The following NTM variants were observed in gnomAD, a reference collection of about 807,000 sequenced individuals.
NTM encodes the protein IgLON family member 2.
NTM carries 13 observed loss-of-function variants against 42.1 expected under a neutral mutation model. The ratio of observed to expected loss-of-function variants is 0.31; its 90% CI spans 0.20 to 0.49. NTM has a LOEUF of 0.49. Ranked by LOEUF, NTM falls within the 20% of genes least tolerant of loss-of-function variation. The pLI, the probability that NTM is intolerant of heterozygous loss-of-function variation, is 0.99. For synonymous variants in NTM, 187 were observed against 179.2 expected, an observed-to-expected ratio of 1.04 and a Z score of -0.35; for missense variants, 373 against 452.8, an observed-to-expected ratio of 0.82 and a Z score of 1.60.
chr11:132,251,047 A>G (rs1566579820), intron 4 of NTM, among the ~76,000 whole-genome samples: 3 of 152,220 alleles, frequency 2.0e-5, no homozygotes, highest in Non-Finnish European at 2.9e-5. Context: ...ACCGAGGTCT[A>G]TGTAAACTCC....
intron 1 of NTM, among the ~76,000 whole-genome samples, chr11:131,555,274 A>T (rs2055254881): frequency 6.6e-6 from 1 of 152,224 alleles, no homozygotes; most frequent in Admixed American, 6.5e-5. Context: ...GTGGCAAGAT[A>T]TATTTATACT....
rs111909435 is a variant in NTM at position 131,671,717 on chromosome 11, G to A, written c.83-239847G>A. On this transcript the variant is annotated intron_variant, in intron 1 of 8. Coordinates refer to ENST00000683400, the MANE Select transcript of NTM (RefSeq NM_001352005.2). Reference sequence around the variant, plus strand: ...ACAGGCCACTGGAGAGTGACAAAGCGCCCATCGACAGTGGTCGATCAAAGA... The same window carrying A: ...ACAGGCCACTGGAGAGTGACAAAGCACCCATCGACAGTGGTCGATCAAAGA... The A allele has an allele frequency of 9.0e-3, 5,430 of 601,194 alleles. 264 individuals are homozygous for A. In the African/African-American group the frequency reaches 0.1, roughly 11 times the overall value. 37.2% of individuals were successfully genotyped at this position (601,194 alleles called of 1,614,324 possible).
intron 4 of NTM, among the ~76,000 whole-genome samples, chr11:132,213,008 A>G (rs1292363325): frequency 6.6e-6 from 1 of 152,188 alleles, no homozygotes; most frequent in Non-Finnish European, 1.5e-5. Flanking sequence ...GGGTGAGAAA[A>G]TAGAACAGGA....
chr11:132,186,539 G>C (rs756845352), intron 3 of NTM, among the ~76,000 whole-genome samples: 2 of 152,104 alleles, frequency 1.3e-5, no homozygotes, highest in Non-Finnish European at 2.9e-5. Flanking sequence ...TATCATCCAC[G>C]TGGCCACTGC....
chr11:132,250,527 C>A (rs1056650090), intron 4 of NTM, among the ~76,000 whole-genome samples: 2 of 151,538 alleles, frequency 1.3e-5, no homozygotes, highest in South Asian at 2.1e-4. Context: ...TAGACAAGAC[C>A]CCTCCCTCTG....
intron 2 of NTM, among the ~76,000 whole-genome samples, chr11:131,944,098 A>C (rs1279018103): frequency 2.0e-5 from 3 of 152,164 alleles, no homozygotes; most frequent in Non-Finnish European, 4.4e-5. Context: ...ACGGCTAGTA[A>C]TTTGAAGACA....
At chr11:132,053,589 G>T (rs370998779) in intron 2 of NTM, among the ~76,000 whole-genome samples, 2 of 152,196 alleles carry the variant, frequency 1.3e-5, no homozygotes, top group Non-Finnish European at 2.9e-5. Flanking sequence ...AATGAGGACA[G>T]GAGGCAGACC....
chr11:132,085,549 A>G (rs965652161), intron 2 of NTM, among the ~76,000 whole-genome samples: 5 of 152,238 alleles, frequency 3.3e-5, no homozygotes, highest in Admixed American at 1.3e-4. Flanking sequence ...GCATTTTACC[A>G]GTAATCTTTA....
chr11:132,004,813 G>C (rs1028122310), intron 2 of NTM, among the ~76,000 whole-genome samples: 1 of 152,110 alleles, frequency 6.6e-6, no homozygotes. Context: ...AAGATTAAAA[G>C]AACTGCTCTC....
intron 1 of NTM, among the ~76,000 whole-genome samples, chr11:131,605,000 C>T (rs1472654783): frequency 1.3e-5 from 2 of 151,668 alleles, no homozygotes; most frequent in Admixed American, 6.6e-5. Flanking sequence ...AAATGTGAGG[C>T]CTCCAACTTT....
chr11:131,794,918 C>A (rs2091379907), intron 1 of NTM: 1 of 985,042 alleles, frequency 1.0e-6, no homozygotes, highest in Non-Finnish European at 1.2e-6. Flanking sequence ...TGTTGGGTAA[C>A]CAAGGCTTTG....
At chr11:132,087,255 G>T (rs987895070) in intron 2 of NTM, among the ~76,000 whole-genome samples, 7 of 152,040 alleles carry the variant, frequency 4.6e-5, no homozygotes, top group Non-Finnish European at 8.8e-5. Flanking sequence ...ATCCACTTTT[G>T]CCCACGTACT....
At chr11:131,828,834 A>G (rs1416394993) in intron 1 of NTM, among the ~76,000 whole-genome samples, 3 of 152,206 alleles carry the variant, frequency 2.0e-5, no homozygotes, top group African/African-American at 4.8e-5. Flanking sequence ...CCCACTTTAA[A>G]AATTGAAACT....
chr11:131,614,698 G>A (rs1165669509), intron 1 of NTM, among the ~76,000 whole-genome samples: 1 of 152,216 alleles, frequency 6.6e-6, no homozygotes, highest in Non-Finnish European at 1.5e-5. Flanking sequence ...CCCCTGAGTT[G>A]TACAACTGCC....
intron 1 of NTM, among the ~76,000 whole-genome samples, chr11:131,747,910 C>T (rs1323419232): frequency 6.6e-6 from 1 of 152,214 alleles, no homozygotes; most frequent in Non-Finnish European, 1.5e-5. Context: ...ACACAACCAA[C>T]ACATCACCAC....
chr11:132,069,336 A>T lies in NTM; in HGVS notation c.168-76946A>T, dbSNP rs375052436. Among the ~76,000 whole-genome samples, 46 of 142,334 alleles carry T rather than the reference A, an allele frequency of 3.2e-4. 1 individual carries two copies. The highest frequency in any genetic ancestry group is 5.4e-4 in the African/African-American group (20 of 37,140). 93.4% of individuals were successfully genotyped at this position (142,334 alleles called of 152,430 possible). On this transcript the variant is annotated intron_variant, in intron 2 of 8. Coordinates refer to ENST00000683400, the MANE Select transcript of NTM (RefSeq NM_001352005.2). The stretch of plus-strand genomic sequence containing the variant: ...CATCACAGGTTAGTTAACACGTCAC[A>T]CAGCCAAGTTAACACGTCACACTGA...
At chr11:131,847,474 G>A (rs950763339) in intron 1 of NTM, among the ~76,000 whole-genome samples, 5 of 152,042 alleles carry the variant, frequency 3.3e-5, no homozygotes, top group Admixed American at 6.6e-5. Flanking sequence ...TCCTGCTTTC[G>A]GGACCTGTAG....
At chr11:132,210,364 C>T (rs865856020) in intron 3 of NTM, among the ~76,000 whole-genome samples, 4 of 152,164 alleles carry the variant, frequency 2.6e-5, no homozygotes, top group African/African-American at 7.2e-5. Flanking sequence ...GGTATGGACA[C>T]GTTGCACACA....
At chr11:132,077,639 T>A (rs920330983) in intron 2 of NTM, among the ~76,000 whole-genome samples, 8 of 152,212 alleles carry the variant, frequency 5.3e-5, no homozygotes, top group African/African-American at 1.9e-4. Context: ...GAGGCAAAAT[T>A]CAAGCCCAGA....
Sources: gnomAD v4.1 joint callset for allele counts (sites outside exome capture counted in the v4.1 genomes callset) on GRCh38, gnomAD v4.1.1 for gene constraint, MANE v1.5 for transcripts, NCBI Gene and HGNC (gene_info 2026-07-23, HGNC 2026-07-21) for gene names.